UBA6: variants seen among roughly 807,000 people sequenced by gnomAD.
UBA6 encodes the protein ubiquitin-like modifier-activating enzyme 6.
In UBA6, 87 loss-of-function variants were observed where a neutral mutation model predicts 148.3. The observed-to-expected ratio is 0.59, with a 90% CI of 0.49 to 0.70. The LOEUF is 0.70. Ranked by LOEUF, UBA6 falls within the 30% of genes least tolerant of loss-of-function variation. UBA6 has a pLI of 0.00. For missense variants in UBA6, 1,186 were observed against 1,241.2 expected, an observed-to-expected ratio of 0.96 and a Z score of 0.67; for synonymous variants, 376 against 401.0, an observed-to-expected ratio of 0.94 and a Z score of 0.75.
rs57984969 is a variant in UBA6, at chr4:67,657,826, CAA to C, written c.1104+4361_1104+4362del. Reference sequence around the variant, plus strand: ...TCTACAAAGAACTTAAACAAATTTACAAAAAAAAAAAAAAAAAGAAAACAAAA... The same window carrying C: ...TCTACAAAGAACTTAAACAAATTTACAAAAAAAAAAAAAAAGAAAACAAAA... On this transcript the variant is annotated intron_variant, in intron 13 of 32. Coordinates refer to ENST00000322244, the MANE Select transcript of UBA6 (RefSeq NM_018227.6). 4.1e-3 allele frequency among the ~76,000 whole-genome samples: 474 copies of C among 115,142 alleles called. 7 individuals are homozygous for C. The East Asian group carries it at 0.064, about 15-fold the overall frequency. The allele number at this position is 115,142 out of a possible 152,430, so 75.5% of individuals were successfully genotyped here. A position where few individuals can be genotyped will look rare whatever the true frequency, so the allele number is the denominator to read the frequency against.
intron 3 of UBA6, 114 bp downstream of exon 3, chr4:67,682,005 C>A: frequency 1.3e-6 from 1 of 752,856 alleles, no homozygotes; most frequent in South Asian, 1.9e-5. Context: ...TCAATCTGAT[C>A]AACATTTTGG....
intron 1 of UBA6, among the ~76,000 whole-genome samples, chr4:67,699,800 G>T (rs1453562127): frequency 6.6e-6 from 1 of 151,990 alleles, no homozygotes; most frequent in African/African-American, 2.4e-5. Context: ...ACGCGGTTTC[G>T]CCATGTTGCC....
At chr4:67,634,643 T>G in intron 20 of UBA6, 125 bp from the exon 21 acceptor site, 2 of 590,386 alleles carry the variant, frequency 3.4e-6, no homozygotes, top group Non-Finnish European at 5.6e-6. Flanking sequence ...AACCAGACAT[T>G]TTTATATCTT....
Position 67,635,487 on chromosome 4 carries a change from A to G in UBA6, c.1808T>C (p.Ile603Thr). 1 of 1,611,628 alleles carries G rather than the reference A, an allele frequency of 6.2e-7. No homozygotes were observed. The highest frequency in any genetic ancestry group is 1.1e-5 in the South Asian group (1 of 90,970). ...GTAAGACTCAGTCAAATGCGGTACA[A>G]TAACTTCAGTGTGTCCCTTAGTGCC... ...TMGTKGHTEV[I>T]VPHLTESYNS... The change falls in exon 20 of 33, where the codon ATT (isoleucine) becomes ACT (threonine). Residue 603 changes from isoleucine to threonine, a missense_variant. Physicochemically the swap from Ile to Thr is moderately conservative, Grantham distance 89 (BLOSUM62 -1). Transcript: ENST00000322244.
intron 13 of UBA6, among the ~76,000 whole-genome samples, chr4:67,658,630 C>T (rs1333449438): frequency 1.3e-5 from 2 of 151,866 alleles, no homozygotes; most frequent in Non-Finnish European, 2.9e-5. Context: ...ATGACAAACC[C>T]CCATGATGCA....
chr4:67,625,775 G>A (rs913891541), intron 28 of UBA6, among the ~76,000 whole-genome samples: 54 of 151,834 alleles, frequency 3.6e-4, no homozygotes, highest in Admixed American at 1.2e-3. Context: ...ACTAAAAGAC[G>A]GTGAGCAGGT....
At chr4:67,675,183 CAG>C (rs1730248828) in intron 6 of UBA6, among the ~76,000 whole-genome samples, 1 of 152,160 alleles carries the variant, frequency 6.6e-6, no homozygotes, top group African/African-American at 2.4e-5. Context: ...GTAATTTCCT[CAG>C]GTCTATCTTT....
Position 67,618,988 on chromosome 4 carries a change from C to T in UBA6, c.*9G>A. 6.2e-7 allele frequency: 1 copy of T among 1,611,474 alleles called. No homozygotes were observed. The highest frequency in any genetic ancestry group is 8.5e-7 in the Non-Finnish European group (1 of 1,179,340). On this transcript the variant is annotated 3_prime_UTR_variant, in exon 33 of 33. Transcript: ENST00000322244. ...AAGTGGTCCTGGAGTAACGTTAAGACAACTTGTATTAATCAGTGTCATGAC... is the reference window on the plus strand; with the variant it reads ...AAGTGGTCCTGGAGTAACGTTAAGATAACTTGTATTAATCAGTGTCATGAC...
intron 22 of UBA6, 57 bp from the exon 23 acceptor site, chr4:67,633,530 TC>T: frequency 6.8e-7 from 1 of 1,463,330 alleles, no homozygotes. Context: ...CATATACACA[TC>T]CCTCACCAAA....
At chr4:67,651,955 A>G (rs866327578) in intron 13 of UBA6, among the ~76,000 whole-genome samples, 2 of 152,200 alleles carry the variant, frequency 1.3e-5, no homozygotes, top group South Asian at 4.1e-4. Context: ...AAGAGTGCAT[A>G]AAATTAGTGT....
At chr4:67,673,047 T>G (rs1730187525) in intron 7 of UBA6, among the ~76,000 whole-genome samples, 1 of 152,224 alleles carries the variant, frequency 6.6e-6, no homozygotes, top group Non-Finnish European at 1.5e-5. Flanking sequence ...TAAAAAAATT[T>G]GTCTCTATTC....
At position 67,670,456 on chromosome 4, in the gene UBA6, T is replaced by C. The variant is rs1001295544; in HGVS notation, c.669+14A>G. The C allele has an allele frequency of 3.9e-6, 6 of 1,552,042 alleles. No individual in the cohort carries two copies. The highest frequency in any genetic ancestry group is 5.3e-6 in the Non-Finnish European group (6 of 1,133,454). On this transcript the variant is annotated intron_variant, in intron 8 of 32. Transcript: ENST00000322244. ...AACAAAATTTATTTTAAAAGTTCAT[T>C]AATATAATCATACTTGCGTTATGTT... is the stretch of plus-strand genomic sequence containing the variant.
At chr4:67,657,826 C>A (rs201696794) in intron 13 of UBA6, among the ~76,000 whole-genome samples, 318 of 114,894 alleles carry the variant, frequency 2.8e-3, no homozygotes, top group Middle Eastern at 8.9e-3. Flanking sequence ...AACAAATTTA[C>A]AAAAAAAAAA....
chr4:67,661,066 C>G (rs1118524), intron 13 of UBA6, among the ~76,000 whole-genome samples: 18,532 of 152,156 alleles, frequency 0.12, 1,288 homozygotes, highest in South Asian at 0.21. Context: ...TGTACCCTCA[C>G]TGTATCTAGG....
At chr4:67,648,349 C>A (rs534206772) in intron 14 of UBA6, among the ~76,000 whole-genome samples, 171 of 151,026 alleles carry the variant, frequency 1.1e-3, no homozygotes, top group African/African-American at 3.9e-3. Flanking sequence ...GCATCTGTAA[C>A]CCCAGCTACT....
chr4:67,639,152 T>C (rs769909631), intron 18 of UBA6, 28 bp from the exon 19 acceptor site: 2 of 1,555,370 alleles, frequency 1.3e-6, no homozygotes, highest in South Asian at 1.2e-5. Flanking sequence ...GCAGAAGGAA[T>C]ATGTTAAACA....
intron 28 of UBA6, among the ~76,000 whole-genome samples, chr4:67,625,865 C>T (rs1728854877): frequency 6.6e-6 from 1 of 151,838 alleles, no homozygotes; most frequent in Non-Finnish European, 1.5e-5. Flanking sequence ...GTCCATCTAG[C>T]AAGGAAGTAT....
At chr4:67,653,000 AGTAG>A (rs1461888956) in intron 13 of UBA6, among the ~76,000 whole-genome samples, 4 of 152,218 alleles carry the variant, frequency 2.6e-5, no homozygotes, top group African/African-American at 4.8e-5. Flanking sequence ...CTGAGGCTTG[AGTAG>A]GTAAACAAAG....
intron 2 of UBA6, among the ~76,000 whole-genome samples, chr4:67,694,299 C>T (rs1730778609): frequency 7.8e-6 from 1 of 127,662 alleles, no homozygotes; most frequent in Non-Finnish European, 1.8e-5. Context: ...AAAAAAAAAC[C>T]CTCAAACATT....
Sources: allele counts gnomAD v4.1 joint callset (sites outside exome capture counted in the v4.1 genomes callset), GRCh38; gene constraint gnomAD v4.1.1; transcripts MANE v1.5; gene names NCBI Gene and HGNC (gene_info 2026-07-23, HGNC 2026-07-21).